Variants in GAGE10 observed in about 807,000 individuals in gnomAD.
GAGE10 encodes the protein G antigen 10.
Under a neutral mutation model 11.5 loss-of-function variants are expected in GAGE10, and 9 were observed. The ratio of observed to expected loss-of-function variants is 0.78; its 90% CI spans 0.47 to 1.37. The LOEUF is 1.37. Ranked by LOEUF, GAGE10 falls within the 40% of genes most tolerant of loss-of-function variation. The pLI is 0.00. For missense variants in GAGE10, 83 were observed against 92.9 expected (o/e 0.89, Z 0.44); for synonymous variants, 23 against 29.7 (o/e 0.77, Z 0.73).
chrX:49,317,340 C>T (rs782548476), intron 4 of GAGE10, 52 bp downstream of exon 4: 13 of 1,155,319 alleles, frequency 1.1e-5, no homozygotes, highest in Admixed American at 9.2e-5. Flanking sequence ...TCCACAGTAT[C>T]GTATCATAAT....
chrX:49,317,385 T>A (rs2066397212), intron 4 of GAGE10, 97 bp downstream of exon 4: 2 of 1,097,404 alleles, frequency 1.8e-6, no homozygotes, highest in Non-Finnish European at 2.5e-6. Context: ...TCTTGCTCTG[T>A]CCACCAGGCT....
chrX:49,316,398 G>A (rs1319006029), intron 3 of GAGE10, among the ~76,000 whole-genome samples: 10 of 111,860 alleles, frequency 8.9e-5, no homozygotes, highest in African/African-American at 3.3e-5. Context: ...CCTGCCCCAC[G>A]AAATGCTTAA....
intron 2 of GAGE10, among the ~76,000 whole-genome samples, chrX:49,305,201 C>G (rs1261803035): frequency 4.5e-5 from 5 of 111,290 alleles, no homozygotes; most frequent in Non-Finnish European, 9.4e-5. Context: ...GTATAATAGC[C>G]TCCAAAGTCC....
intron 3 of GAGE10, among the ~76,000 whole-genome samples, chrX:49,306,601 G>C (rs782411850): frequency 6.2e-4 from 69 of 111,789 alleles, no homozygotes; most frequent in Non-Finnish European, 1.1e-3. Context: ...TGGTAGACTT[G>C]AGATTTCTTA....
Position 49,317,279 on chromosome X carries a change from C to A in GAGE10, c.319C>A (p.Pro107Thr). 2.5e-6 allele frequency: 3 copies of A among 1,205,480 alleles called. No homozygotes were observed. Among genetic ancestry groups the A allele is most frequent in the African/African-American group, 3.5e-5 (2 of 57,436 alleles). The change falls in exon 4 of 5, where the codon CCT (proline) becomes ACT (threonine). Residue 107 changes from proline (P) to threonine (T), a missense_variant. By Grantham distance (38) the Pro-to-Thr change is conservative. Transcript: ENST00000407599. The stretch of plus-strand genomic sequence containing the variant: ...GCCAAATCCAGAGGAGGTGAAAAGG[C>A]CTGAAGAAGGTAGGGAATCCATTAG... ...GLPNPEEVKR[P>T]EEGEKQSQC
At chrX:49,307,935 T>C (rs1303833943) in intron 3 of GAGE10, among the ~76,000 whole-genome samples, 3 of 112,457 alleles carry the variant, frequency 2.7e-5, no homozygotes, top group Non-Finnish European at 5.6e-5. Context: ...ATCTCTCCCT[T>C]TCCGAGGCAT....
intron 3 of GAGE10, among the ~76,000 whole-genome samples, chrX:49,306,206 T>C (rs1173605139): frequency 8.9e-6 from 1 of 112,198 alleles, no homozygotes; most frequent in African/African-American, 3.2e-5. Context: ...CTAGATAAAA[T>C]ATTTTCAAAC....
intron 3 of GAGE10, among the ~76,000 whole-genome samples, chrX:49,312,841 C>T (rs781842257): frequency 8.9e-6 from 1 of 112,583 alleles, no homozygotes; most frequent in Non-Finnish European, 1.9e-5. Context: ...TTTGATAGGT[C>T]GGCATTTCTA....
At chrX:49,311,765 G>C (rs1409500702) in intron 3 of GAGE10, among the ~76,000 whole-genome samples, 1 of 112,075 alleles carries the variant, frequency 8.9e-6, no homozygotes, top group Non-Finnish European at 1.9e-5. Flanking sequence ...TTGGGCTCTT[G>C]ACATTGGCCG....
At chrX:49,316,397 C>A (rs1250008288) in intron 3 of GAGE10, among the ~76,000 whole-genome samples, 20 of 111,984 alleles carry the variant, frequency 1.8e-4, no homozygotes, top group African/African-American at 6.5e-4. Flanking sequence ...ACCTGCCCCA[C>A]GAAATGCTTA....
intron 3 of GAGE10, among the ~76,000 whole-genome samples, chrX:49,307,657 TTTTG>T (rs1263634742): frequency 9.0e-6 from 1 of 111,406 alleles, no homozygotes; most frequent in Non-Finnish European, 1.9e-5. Context: ...GTTTCCTTTT[TTTTG>T]TTTGTTTGTA....
intron 3 of GAGE10, 119 bp from the exon 4 acceptor site, chrX:49,317,044 A>T: frequency 1.1e-6 from 1 of 895,364 alleles, no homozygotes; most frequent in Non-Finnish European, 1.5e-6. Flanking sequence ...TCTTATCAAC[A>T]TATTTATTAT....
Position 49,303,704 on chromosome X carries a change from G to A in GAGE10, c.-58G>A, listed in dbSNP as rs1337994576. On this transcript the variant is annotated 5_prime_UTR_variant, in exon 1 of 5. Coordinates refer to ENST00000407599, the MANE Select transcript of GAGE10 (RefSeq NM_001098413.4). The stretch of plus-strand genomic sequence containing the variant: ...ACGCCAGGGAGCTGTGAGGGTGTGT[G>A]GTCTCGTTCCTGTCGTCTGGAATAT... 8.9e-6 allele frequency: 1 copy of A among 112,669 alleles called. No homozygotes were observed. The highest frequency in any genetic ancestry group is 3.2e-5 in the African/African-American group (1 of 30,956). 9.3% of individuals were successfully genotyped at this position (112,669 alleles called of 1,213,427 possible). A position where few individuals can be genotyped will look rare whatever the true frequency, so the allele number is the denominator to read the frequency against.
intron 4 of GAGE10, among the ~76,000 whole-genome samples, chrX:49,317,579 C>G (rs1490235312): frequency 9.0e-6 from 1 of 111,425 alleles, no homozygotes; most frequent in African/African-American, 3.3e-5. Flanking sequence ...AACTCCTGAC[C>G]TCAGGTGATC....
chrX:49,307,454 C>G (rs1311280547), intron 3 of GAGE10, among the ~76,000 whole-genome samples: 1 of 106,668 alleles, frequency 9.4e-6, no homozygotes, highest in African/African-American at 3.3e-5. Context: ...TTCGCCAGTT[C>G]TCCAGACAAT....
At chrX:49,317,795 T>C (rs1437601801) in intron 4 of GAGE10, among the ~76,000 whole-genome samples, 6 of 106,965 alleles carry the variant, frequency 5.6e-5, no homozygotes, top group Non-Finnish European at 7.7e-5. Flanking sequence ...CAAAGCTATG[T>C]TGAATTAAAA....
intron 3 of GAGE10, among the ~76,000 whole-genome samples, chrX:49,307,833 T>C (rs1468832654): frequency 8.9e-6 from 1 of 111,938 alleles, no homozygotes; most frequent in East Asian, 2.8e-4. Flanking sequence ...CTCAGTTGTA[T>C]GTAAGAAAAC....
chrX:49,317,634 C>T (rs1170606711), intron 4 of GAGE10, among the ~76,000 whole-genome samples: 2 of 89,213 alleles, frequency 2.2e-5, no homozygotes, highest in African/African-American at 6.9e-5. Flanking sequence ...ATGCGAGAGC[C>T]ACCATACGCG....
At chrX:49,317,440 T>G in intron 4 of GAGE10, 152 bp downstream of exon 4, 1 of 927,673 alleles carries the variant, frequency 1.1e-6, no homozygotes, top group Admixed American at 3.0e-5. Context: ...TTCCGCCTTC[T>G]GGGTTCAAGT....
Sources: allele counts gnomAD v4.1 joint callset (sites outside exome capture counted in the v4.1 genomes callset), GRCh38; gene constraint gnomAD v4.1.1; transcripts MANE v1.5; gene names NCBI Gene and HGNC (gene_info 2026-07-23, HGNC 2026-07-21).